FBXO4: variants seen among roughly 807,000 people sequenced by gnomAD.
FBXO4 encodes the protein F-box protein 4.
A neutral mutation model predicts 43.7 loss-of-function variants in FBXO4; 36 were observed. That is an observed-to-expected ratio of 0.82 (90% confidence interval 0.63 to 1.09). The LOEUF is 1.09. Among genes scored for constraint, FBXO4 ranks in the 50% least tolerant of loss-of-function variants. FBXO4 has a pLI of 0.00. For synonymous variants in FBXO4, 180 were observed against 165.6 expected (o/e 1.09, Z -0.67); for missense variants, 435 against 474.1 (o/e 0.92, Z 0.77).
At chr5:41,955,696 C>T in the FBXO4 span, among the ~76,000 whole-genome samples, 1 of 152,148 alleles carries the variant, frequency 6.6e-6, no homozygotes, top group Non-Finnish European at 1.5e-5. Context: ...TGAGCCAGTT[C>T]CAGAGATCTT....
the FBXO4 span, among the ~76,000 whole-genome samples, chr5:42,010,805 C>T: frequency 6.6e-6 from 1 of 152,166 alleles, no homozygotes; most frequent in African/African-American, 2.4e-5. Context: ...TTATACATTT[C>T]TACCAGCAAT....
At chr5:41,971,614 T>C in the FBXO4 span, among the ~76,000 whole-genome samples, 1 of 152,044 alleles carries the variant, frequency 6.6e-6, no homozygotes, top group Non-Finnish European at 1.5e-5. Flanking sequence ...ATAAATCATC[T>C]AGTGTCCTCA....
the FBXO4 span, among the ~76,000 whole-genome samples, chr5:42,013,135 T>C: frequency 1.8e-4 from 28 of 152,126 alleles, 1 homozygote; most frequent in East Asian, 5.1e-3. Flanking sequence ...GGAGACTCTA[T>C]TTCTACAAAG....
chr5:42,009,379 G>A, the FBXO4 span, among the ~76,000 whole-genome samples: 1 of 96,338 alleles, frequency 1.0e-5, no homozygotes, highest in Non-Finnish European at 2.3e-5. Flanking sequence ...GTGTGTATGT[G>A]TGTGTGTGTG....
intron 5 of FBXO4, chr5:41,939,185 A>G: frequency 3.1e-6 from 1 of 318,284 alleles, no homozygotes; most frequent in Non-Finnish European, 5.8e-6. Context: ...ACTCTACTAT[A>G]TGCCTACATT....
the FBXO4 span, among the ~76,000 whole-genome samples, chr5:42,023,232 A>G: frequency 2.0e-5 from 3 of 152,128 alleles, no homozygotes; most frequent in Non-Finnish European, 4.4e-5. Flanking sequence ...CATAGATAGC[A>G]CATAGTATGA....
chr5:42,018,920 C>A, the FBXO4 span, among the ~76,000 whole-genome samples: 1 of 152,094 alleles, frequency 6.6e-6, no homozygotes, highest in African/African-American at 2.4e-5. Context: ...TGGGTAGCAG[C>A]CTCCTAGCAG....
At chr5:41,976,106 A>T in the FBXO4 span, among the ~76,000 whole-genome samples, 2 of 152,130 alleles carry the variant, frequency 1.3e-5, no homozygotes, top group African/African-American at 4.8e-5. Flanking sequence ...GTGCTAAGCC[A>T]TTCATGAAGG....
downstream of FBXO4, among the ~76,000 whole-genome samples, chr5:41,946,654 A>G (rs142791573): frequency 4.6e-5 from 7 of 152,350 alleles, no homozygotes; most frequent in Admixed American, 2.0e-4. Context: ...ATCAACTACC[A>G]TTATGACAAA....
the FBXO4 span, among the ~76,000 whole-genome samples, chr5:42,035,569 C>G: frequency 6.6e-6 from 1 of 152,078 alleles, no homozygotes; most frequent in Non-Finnish European, 1.5e-5. Flanking sequence ...GGATTACTAT[C>G]AATGTTTTCC....
In FBXO4 at chr5:41,929,795, A is replaced by G; in HGVS notation, c.524A>G (p.Asn175Ser). The G allele has an allele frequency of 6.2e-7, 1 of 1,614,206 alleles. No homozygotes were observed. Among genetic ancestry groups the G allele is most frequent in the Non-Finnish European group, 8.5e-7 (1 of 1,180,038 alleles). ...TSFLHSLIIQ[N>S]EPRFAMFGPG... The stretch of plus-strand genomic sequence containing the variant: ...TTTTTACACTCCCTGATCATTCAGA[A>G]TGAACCACGATTTGCTATGTTTGGA... The change falls in exon 3 of 7, where the codon AAT becomes AGT. Residue 175 changes from asparagine to serine, a missense_variant. Physicochemically the swap from Asn to Ser is conservative, Grantham distance 46. Coordinates refer to ENST00000281623, the MANE Select transcript of FBXO4 (RefSeq NM_012176.3).
the FBXO4 span, among the ~76,000 whole-genome samples, chr5:41,992,329 C>T: frequency 6.6e-6 from 1 of 152,144 alleles, no homozygotes; most frequent in South Asian, 2.1e-4. Context: ...TGATGGTTTA[C>T]AAACATTTAG....
chr5:42,022,703 C>T, the FBXO4 span, among the ~76,000 whole-genome samples: 1 of 151,994 alleles, frequency 6.6e-6, no homozygotes, highest in African/African-American at 2.4e-5. Flanking sequence ...TTTGTTTACT[C>T]ACACAGTAGA....
chr5:41,946,273 T>A (rs1171940599), downstream of FBXO4, among the ~76,000 whole-genome samples: 1 of 152,218 alleles, frequency 6.6e-6, no homozygotes, highest in East Asian at 1.9e-4. Flanking sequence ...GATCCCGCAA[T>A]ATATTTTTAA....
chr5:41,996,188 A>T, the FBXO4 span, among the ~76,000 whole-genome samples: 1 of 152,134 alleles, frequency 6.6e-6, no homozygotes, highest in African/African-American at 2.4e-5. Context: ...GACCTGCTCG[A>T]GCCTGATCAC....
the FBXO4 span, among the ~76,000 whole-genome samples, chr5:42,006,175 C>A: frequency 2.0e-5 from 3 of 152,080 alleles, no homozygotes; most frequent in Non-Finnish European, 4.4e-5. Flanking sequence ...AATTACAGTT[C>A]AATTACTACA....
At chr5:41,972,825 G>A in the FBXO4 span, among the ~76,000 whole-genome samples, 5 of 152,192 alleles carry the variant, frequency 3.3e-5, no homozygotes, top group South Asian at 4.1e-4. Context: ...AATGGGAAAA[G>A]GACTCCTTAT....
the FBXO4 span, among the ~76,000 whole-genome samples, chr5:41,994,667 A>G: frequency 6.6e-6 from 1 of 152,164 alleles, no homozygotes; most frequent in African/African-American, 2.4e-5. Flanking sequence ...GATAGTCCAG[A>G]TCAATCACCC....
At chr5:41,982,769 C>T in the FBXO4 span, among the ~76,000 whole-genome samples, 22 of 151,922 alleles carry the variant, frequency 1.4e-4, no homozygotes, top group Admixed American at 2.6e-4. Context: ...GCAGTATGCA[C>T]TGTTTTGTTA....
Sources: gnomAD v4.1 joint callset for allele counts (sites outside exome capture counted in the v4.1 genomes callset) on GRCh38, gnomAD v4.1.1 for gene constraint, MANE v1.5 for transcripts, NCBI Gene and HGNC (gene_info 2026-07-23, HGNC 2026-07-21) for gene names.